PCNX1: variants seen among roughly 807,000 people sequenced by gnomAD.
PCNX1 encodes the protein pecanex-like protein 1.
In PCNX1, 78 loss-of-function variants were observed where a neutral mutation model predicts 242.2. That is an observed-to-expected ratio of 0.32 (90% CI 0.27 to 0.39). The LOEUF is 0.39. Among genes scored for constraint, PCNX1 ranks in the 10% least tolerant of loss-of-function variants. PCNX1 has a pLI of 1.00. For synonymous variants in PCNX1, 1,024 were observed against 1,032.9 expected, an observed-to-expected ratio of 0.99 and a Z score of 0.17; for missense variants, 2,581 against 2,856.5, an observed-to-expected ratio of 0.90 and a Z score of 2.20.
chr14:70,916,930 C>T (rs953706965), intron 1 of PCNX1, among the ~76,000 whole-genome samples: 2 of 152,182 alleles, frequency 1.3e-5, no homozygotes, highest in African/African-American at 4.8e-5. Context: ...GCTTTGTCAG[C>T]TAAGTTGATG....
intron 11 of PCNX1, among the ~76,000 whole-genome samples, chr14:71,013,783 G>C (rs1042013087): frequency 2.6e-5 from 4 of 152,190 alleles, no homozygotes; most frequent in Non-Finnish European, 5.9e-5. Context: ...AATTGCCCCA[G>C]CTTAATGCTT....
chr14:71,113,005 C>CT lies in PCNX1; in HGVS notation c.*3071dup, dbSNP rs1239699564. Reference sequence around the variant, plus strand: ...TCCAACTTATACCTTGGTGTGAACTCTCTTTTTACACCATTTTCAACACTG... The same window carrying CT: ...TCCAACTTATACCTTGGTGTGAACTCTTCTTTTTACACCATTTTCAACACTG... On this transcript the variant is annotated 3_prime_UTR_variant, in exon 36 of 36. Coordinates refer to ENST00000304743, the MANE Select transcript of PCNX1 (RefSeq NM_014982.3). 2 of 152,130 alleles carry CT rather than the reference C, an allele frequency of 1.3e-5. No homozygotes were observed. The highest frequency in any genetic ancestry group is 2.9e-5 in the Non-Finnish European group (2 of 68,012). The allele number at this position is 152,130 out of a possible 1,614,324, so 9.4% of individuals were successfully genotyped here.
chr14:71,000,138 G>A (rs1402926497), intron 8 of PCNX1, among the ~76,000 whole-genome samples: 1 of 152,008 alleles, frequency 6.6e-6, no homozygotes, highest in African/African-American at 2.4e-5. Flanking sequence ...ATAAATGAAA[G>A]TAAAATGTTT....
intron 9 of PCNX1, among the ~76,000 whole-genome samples, chr14:71,010,103 T>C (rs2059781224): frequency 6.6e-6 from 1 of 152,132 alleles, no homozygotes; most frequent in South Asian, 2.1e-4. Flanking sequence ...AGTGCATTTG[T>C]TTCTAAAAAC....
chr14:70,955,679 C>A (rs1256546961), intron 2 of PCNX1, among the ~76,000 whole-genome samples: 1 of 152,164 alleles, frequency 6.6e-6, no homozygotes, highest in African/African-American at 2.4e-5. Context: ...TTATAAACTA[C>A]TATGCTTTCC....
At chr14:71,097,066 A>T (rs1310529941) in intron 30 of PCNX1, among the ~76,000 whole-genome samples, 9 of 152,124 alleles carry the variant, frequency 5.9e-5, no homozygotes, top group Non-Finnish European at 1.3e-4. Flanking sequence ...AGAAGAGAGG[A>T]GCCTTCTAAG....
Position 71,076,678 on chromosome 14 carries a change from G to T in PCNX1, c.5337+259G>T, listed in dbSNP as rs946767895. Reference sequence around the variant, plus strand: ...GTAGCACCTCCTTCATCCTGGGCATGTACAGGCATGCACATACATTCACAT... The same window carrying T: ...GTAGCACCTCCTTCATCCTGGGCATTTACAGGCATGCACATACATTCACAT... On this transcript the variant is annotated intron_variant, in intron 28 of 35. Coordinates refer to ENST00000304743, the MANE Select transcript of PCNX1 (RefSeq NM_014982.3). 2.6e-5 allele frequency among the ~76,000 whole-genome samples: 4 copies of T among 152,172 alleles called. No individual in the cohort carries two copies. The South Asian group carries it at 8.3e-4, about 32-fold the overall frequency.
Position 71,108,891 on chromosome 14 carries a change from A to G in PCNX1, c.6589A>G (p.Ser2197Gly). ...QHGLPSSSSS[S>G]QSIPACKHHT... ...CGGCCTGCCTTCCTCCAGCAGCTCC[A>G]GCCAAAGCATCCCAGCCTGCAAACA... Residue 2197 changes from serine (S) to glycine (G), a missense_variant, in exon 34 of 36, where the codon AGC (serine) becomes GGC (glycine). Ser to Gly is a moderately conservative substitution (Grantham distance 56, BLOSUM62 0). This residue lies in a region of PCNX1 where 432 missense variants were observed against 433.6 expected (regional missense o/e 1.00). Transcript: ENST00000304743. 1.9e-6 allele frequency: 3 copies of G among 1,614,242 alleles called. No homozygotes were observed. Among genetic ancestry groups the G allele is most frequent in the Non-Finnish European group, 2.5e-6 (3 of 1,180,038 alleles).
intron 7 of PCNX1, among the ~76,000 whole-genome samples, chr14:70,993,379 T>C (rs1034130094): frequency 3.3e-5 from 5 of 152,060 alleles, no homozygotes; most frequent in Non-Finnish European, 5.9e-5. Flanking sequence ...CCACCCGCCT[T>C]GGCCTCCCAA....
At chr14:71,076,699 C>A (rs1249198398) in intron 28 of PCNX1, among the ~76,000 whole-genome samples, 1 of 152,218 alleles carries the variant, frequency 6.6e-6, no homozygotes, top group Middle Eastern at 3.2e-3. Context: ...CACATACATT[C>A]ACATTCCATG....
chr14:71,048,145 A>G (rs955732042), intron 22 of PCNX1, among the ~76,000 whole-genome samples, 161 bp downstream of exon 22: 3 of 152,230 alleles, frequency 2.0e-5, no homozygotes, highest in Non-Finnish European at 2.9e-5. Context: ...CTAAACAAAG[A>G]TAGTCACTGT....
At chr14:71,015,931 G>C (rs1348808101) in intron 11 of PCNX1, among the ~76,000 whole-genome samples, 1 of 152,110 alleles carries the variant, frequency 6.6e-6, no homozygotes, top group African/African-American at 2.4e-5. Flanking sequence ...GGTGGCTCAT[G>C]CCTGTGATCT....
rs2055698344 is a variant in PCNX1, at chr14:70,908,869, A to G, written c.153+866A>G. 2.0e-5 allele frequency among the ~76,000 whole-genome samples: 3 copies of G among 152,234 alleles called. No individual in the cohort carries two copies. In the South Asian group the frequency reaches 6.2e-4, roughly 32 times the overall value. On this transcript the variant is annotated intron_variant, in intron 1 of 35. Transcript: ENST00000304743. ...CTGAATCATCTGTGTTTTTAAAGCA[A>G]CATTGAAAGTTGTTAAGCGCAGTTT...
rs1595525584 is a variant in PCNX1, at chr14:71,108,950, A to G, written c.6648A>G (p.Gly2216=). The change falls in exon 34 of 36, where the codon GGA becomes GGG. Residue 2216 remains glycine (G), a synonymous_variant. Coordinates refer to ENST00000304743, the MANE Select transcript of PCNX1 (RefSeq NM_014982.3). The stretch of plus-strand genomic sequence containing the variant: ...TCGTGGGCTTTCTTGCGACAGAGGG[A>G]GGTCAGAGCAGTGCCACTGATGCAC... ...HTLVGFLATE[G]GQSSATDAQP... 6.2e-7 allele frequency: 1 copy of G among 1,614,202 alleles called. No individual in the cohort carries two copies. The highest frequency in any genetic ancestry group is 8.5e-7 in the Non-Finnish European group (1 of 1,180,024).
intron 23 of PCNX1, among the ~76,000 whole-genome samples, chr14:71,051,268 T>A (rs1199568807): frequency 2.0e-5 from 3 of 150,754 alleles, no homozygotes; most frequent in African/African-American, 7.3e-5. Flanking sequence ...GGCCCACAGA[T>A]CATCTGAACA....
intron 1 of PCNX1, among the ~76,000 whole-genome samples, chr14:70,925,987 A>G (rs1451592355): frequency 2.0e-5 from 3 of 152,132 alleles, no homozygotes; most frequent in African/African-American, 7.2e-5. Context: ...TGAACTGAGC[A>G]TCTCCTGATC....
chr14:71,075,955 G>A (rs1445083553), intron 27 of PCNX1, among the ~76,000 whole-genome samples: 1 of 151,978 alleles, frequency 6.6e-6, no homozygotes, highest in Non-Finnish European at 1.5e-5. Context: ...TTATGGTTGT[G>A]ATTTTAAAGT....
intron 1 of PCNX1, among the ~76,000 whole-genome samples, chr14:70,939,129 C>T (rs2057130008): frequency 6.6e-6 from 1 of 152,160 alleles, no homozygotes; most frequent in Non-Finnish European, 1.5e-5. Flanking sequence ...GTCTCTGTCT[C>T]ATTCAGTTCT....
At chr14:71,060,153 G>A (rs2061289068) in intron 26 of PCNX1, among the ~76,000 whole-genome samples, 1 of 152,098 alleles carries the variant, frequency 6.6e-6, no homozygotes. Context: ...AGATTATAAT[G>A]GAACTGAAAA....
Sources: gnomAD v4.1 joint callset for allele counts (sites outside exome capture counted in the v4.1 genomes callset) on GRCh38, gnomAD v4.1.1 for gene constraint, gnomAD v4.1.1 regional missense constraint, MANE v1.5 for transcripts, NCBI Gene and HGNC (gene_info 2026-07-23, HGNC 2026-07-21) for gene names.